Variants in DST observed in about 807,000 individuals in gnomAD.
DST encodes dystonin, also known as bullous pemphigoid antigen.
DST carries 253 observed loss-of-function variants against 875.2 expected under a neutral mutation model. That is an observed-to-expected ratio of 0.29 (90% CI 0.26 to 0.32). The LOEUF (loss-of-function observed/expected upper bound fraction) is 0.32, where lower values mean the gene tolerates loss of function less well. Ranked by LOEUF, DST falls within the 10% of genes least tolerant of loss-of-function variation. The pLI is 1.00. For missense variants in DST, 8,287 were observed against 9,111.6 expected (o/e 0.91, Z 3.68); for synonymous variants, 3,124 against 3,197.1 (o/e 0.98, Z 0.77).
intron 3 of DST, among the ~76,000 whole-genome samples, chr6:56,872,751 G>A (rs1473064370): frequency 6.6e-6 from 1 of 150,858 alleles, no homozygotes; most frequent in Non-Finnish European, 1.5e-5. Context: ...GTATTTATCA[G>A]ATAGATAGAA....
intron 43 of DST, among the ~76,000 whole-genome samples, chr6:56,602,314 T>C (rs1184498232): frequency 1.3e-5 from 2 of 151,970 alleles, no homozygotes; most frequent in Non-Finnish European, 2.9e-5. Flanking sequence ...GTTTTCTATG[T>C]TTAGATACAC....
Position 56,704,277 on chromosome 6 carries a change from T to C in DST, c.777+3A>G. 6.9e-7 allele frequency: 1 copy of C among 1,455,256 alleles called. No individual in the cohort carries two copies. The highest frequency in any genetic ancestry group is 9.4e-7 in the Non-Finnish European group (1 of 1,064,070). 90.1% of individuals were successfully genotyped at this position (1,455,256 alleles called of 1,614,324 possible). A position where few individuals can be genotyped will look rare whatever the true frequency, so the allele number is the denominator to read the frequency against. On this transcript the variant is annotated splice_donor_region_variant and intron_variant, in intron 6 of 103. Transcript: ENST00000680361. Reference sequence around the variant, plus strand: ...AAAATAAAATAAGAAAGTTAAAACTTACCAAGGTATCTCCTGAAAGAACCT... The same window carrying C: ...AAAATAAAATAAGAAAGTTAAAACTCACCAAGGTATCTCCTGAAAGAACCT...
At chr6:56,720,585 G>A (rs2099411167) in intron 5 of DST, among the ~76,000 whole-genome samples, 2 of 152,070 alleles carry the variant, frequency 1.3e-5, no homozygotes, top group Admixed American at 1.3e-4. Context: ...TCAAGCATCT[G>A]TTTAACAAAG....
At chr6:56,500,862 T>C (rs1049536540) in intron 80 of DST, among the ~76,000 whole-genome samples, 3 of 152,108 alleles carry the variant, frequency 2.0e-5, no homozygotes, top group African/African-American at 7.2e-5. Flanking sequence ...TTGATAAAAA[T>C]TGCCTTGAAT....
At chr6:56,908,158 T>C (rs1797277450) in intron 2 of DST, among the ~76,000 whole-genome samples, 1 of 152,036 alleles carries the variant, frequency 6.6e-6, no homozygotes, top group African/African-American at 2.4e-5. Context: ...TACTTTTGTG[T>C]TATACAAGAT....
At chr6:56,945,879 A>T (rs1485784551) in intron 2 of DST, 1 of 152,052 alleles carries the variant, frequency 6.6e-6, no homozygotes, top group Admixed American at 6.6e-5. Context: ...GGCTGCCTAT[A>T]GGTAAAGGAT....
chr6:56,587,352 G>T (rs2098175453), intron 49 of DST, among the ~76,000 whole-genome samples: 1 of 152,162 alleles, frequency 6.6e-6, no homozygotes, highest in African/African-American at 2.4e-5. Context: ...AAGAAGGGAA[G>T]TTCAGAGAAA....
rs766374409 is a variant in DST at position 56,735,915 on chromosome 6, T to C, written c.626-626A>G. 3.9e-5 allele frequency among the ~76,000 whole-genome samples: 6 copies of C among 152,070 alleles called. No individual in the cohort carries two copies. In the South Asian group the frequency reaches 6.2e-4, roughly 16 times the overall value. ...TCACCCAGGCTGGAGTGCAGTGGCA[T>C]GATCTCCACTCACTGCAACCTCCGC... On this transcript the variant is annotated intron_variant, in intron 4 of 103. Coordinates refer to ENST00000680361, the MANE Select transcript of DST (RefSeq NM_001374736.1).
At position 56,618,692 on chromosome 6, in the gene DST, G is replaced by T. The variant is rs1586806985; in HGVS notation, c.4930-4208C>A. The T allele has an allele frequency of 3.1e-6, 5 of 1,613,738 alleles. No homozygotes were observed. Among genetic ancestry groups the T allele is most frequent in the Non-Finnish European group, 4.2e-6 (5 of 1,179,902 alleles). On this transcript the variant is annotated intron_variant, in intron 36 of 103. Transcript: ENST00000680361. ...GGCTCTAGAGTTTTCTTGTTGAAGA[G>T]ACACAAAGTCAAGCCTAATGCCTGA...
intron 49 of DST, among the ~76,000 whole-genome samples, chr6:56,579,433 C>G (rs571698746): frequency 2.0e-5 from 3 of 152,228 alleles, no homozygotes; most frequent in Admixed American, 6.5e-5. Flanking sequence ...ATTCAAAAAG[C>G]CTTGCTACAT....
intron 9 of DST, among the ~76,000 whole-genome samples, chr6:56,671,700 A>G (rs1036510153): frequency 6.6e-6 from 1 of 152,216 alleles, no homozygotes; most frequent in East Asian, 1.9e-4. Flanking sequence ...TGAGATTAAC[A>G]CCACCAACAA....
chr6:56,629,558 G>A (rs1321443146), intron 31 of DST, 115 bp from the exon 32 acceptor site: 4 of 806,058 alleles, frequency 5.0e-6, no homozygotes, highest in Non-Finnish European at 8.1e-6. Flanking sequence ...ATAAGATAAA[G>A]GAAAGAATAT....
intron 102 of DST, 89 bp from the exon 103 acceptor site, chr6:56,460,343 ACT>A (rs980270537): frequency 9.2e-6 from 13 of 1,413,812 alleles, no homozygotes; most frequent in Middle Eastern, 1.8e-4. Context: ...ATGGGTGGAA[ACT>A]CTCTACTATT....
chr6:56,480,566 T>G (rs1021183751), intron 90 of DST, among the ~76,000 whole-genome samples: 1 of 152,236 alleles, frequency 6.6e-6, no homozygotes, highest in Non-Finnish European at 1.5e-5. Context: ...AATTAAATAT[T>G]CTGTTTTTCT....
chr6:56,535,735 G>A (rs4382262), intron 62 of DST, among the ~76,000 whole-genome samples: 5 of 152,242 alleles, frequency 3.3e-5, no homozygotes, highest in Admixed American at 3.3e-4. Context: ...ATTATATTTT[G>A]CTAGGCAAGA....
chr6:56,947,170 C>G (rs1171016573), intron 2 of DST, among the ~76,000 whole-genome samples: 1 of 151,962 alleles, frequency 6.6e-6, no homozygotes, highest in Non-Finnish European at 1.5e-5. Context: ...TTTGTTCTCC[C>G]TGGGTGAAAG....
chr6:56,572,914 G>C lies in DST; in HGVS notation c.13387C>G (p.His4463Asp). Residue 4463 changes from histidine to aspartate, a missense_variant, in exon 52 of 104, where the codon CAT becomes GAT. Physicochemically the swap from His to Asp is moderately conservative, Grantham distance 81 (BLOSUM62 -1). Transcript: ENST00000680361. ...DLSARFSEAS[H>D]KHKETLAKME... ...TTGGCAAGAGTTTCTTTGTGTTTAT[G>C]ACTTGCTTCTGAAAACCGAGCAGAC... 1 of 1,613,384 alleles carries C rather than the reference G, an allele frequency of 6.2e-7. No individual in the cohort carries two copies. Among genetic ancestry groups the C allele is most frequent in the South Asian group, 1.1e-5 (1 of 91,020 alleles).
At position 56,618,065 on chromosome 6, in the gene DST, A is replaced by C. The variant is rs1394094437; in HGVS notation, c.4930-3581T>G. 1.9e-6 allele frequency: 3 copies of C among 1,614,180 alleles called. No homozygotes were observed. In the South Asian group the frequency reaches 3.3e-5, roughly 18 times the overall value. On this transcript the variant is annotated intron_variant, in intron 36 of 103. Coordinates refer to ENST00000680361, the MANE Select transcript of DST (RefSeq NM_001374736.1). ...CCTAACAGGTGGTCTAGAATTGTTC[A>C]GGGCTTGGTCTCTTATCTTCTCAAT...
In DST at chr6:56,511,223, C is replaced by T. The variant is rs776644026; in HGVS notation, c.18754G>A (p.Asp6252Asn). The T allele has an allele frequency of 8.1e-5, 128 of 1,587,398 alleles. 1 individual carries two copies. The Admixed American group carries it at 2.3e-3, about 28-fold the overall frequency. ...EDVKKRAVAL[D>N]EAISQSTQFH... ...TGAGTTGATTGAGAAATGGCTTCAT[C>T]CAGTGCCACAGCACGCTTTTTGACA... Residue 6252 changes from aspartate (D) to asparagine (N), a missense_variant, in exon 73 of 104, where the codon GAT (aspartate) becomes AAT (asparagine). Asp to Asn is a conservative substitution (Grantham distance 23). This residue lies in a region of DST where 1,292 missense variants were observed against 1,552.7 expected (regional missense o/e 0.83). Transcript: ENST00000680361.
Sources: allele counts gnomAD v4.1 joint callset (sites outside exome capture counted in the v4.1 genomes callset), GRCh38; gene constraint gnomAD v4.1.1; regional missense constraint gnomAD v4.1.1; transcripts MANE v1.5; gene names NCBI Gene and HGNC (gene_info 2026-07-23, HGNC 2026-07-21).